KIF26A: variants seen among roughly 807,000 people sequenced by gnomAD.
KIF26A encodes the protein kinesin family member 26A.
KIF26A carries 74 observed loss-of-function variants against 126.0 expected under a neutral mutation model. That is an observed-to-expected ratio of 0.59 (90% CI 0.49 to 0.71). The LOEUF (loss-of-function observed/expected upper bound fraction) is 0.71. KIF26A is among the 30% of genes least tolerant of loss of function. The pLI, the probability that KIF26A is intolerant of heterozygous loss-of-function variation, is 0.00. For missense variants in KIF26A, 2,984 were observed against 2,763.3 expected, an observed-to-expected ratio of 1.08 and a Z score of -1.79; for synonymous variants, 1,445 against 1,232.7, an observed-to-expected ratio of 1.17 and a Z score of -3.61.
chr14:104,173,543 CT>C, intron 9 of KIF26A, 30 bp downstream of exon 9: 1 of 1,521,088 alleles, frequency 6.6e-7, no homozygotes, highest in Non-Finnish European at 8.8e-7. Context: ...TCCCGGGCCC[CT>C]GTGGGATGCG....
At chr14:104,150,320 C>T (rs564602917) in intron 2 of KIF26A, among the ~76,000 whole-genome samples, 1 of 151,578 alleles carries the variant, frequency 6.6e-6, no homozygotes, top group East Asian at 2.0e-4. Flanking sequence ...GGACCAGACG[C>T]GCCAGGCACT....
chr14:104,176,051 C>A lies in KIF26A; in HGVS notation c.3263C>A (p.Ser1088Tyr). The stretch of plus-strand genomic sequence containing the variant: ...AATGATGAGTTTGACGCCTACACCT[C>A]TCAGGCCCCTGAGGGGGGGCCCCTG... ...SINDEFDAYT[S>Y]QAPEGGPLEG... The change falls in exon 12 of 15, where the codon TCT (serine) becomes TAT (tyrosine). Residue 1088 changes from serine to tyrosine, a missense_variant. Physicochemically the swap from Ser to Tyr is moderately radical, Grantham distance 144. Coordinates refer to ENST00000423312, the MANE Select transcript of KIF26A (RefSeq NM_015656.2). The A allele has an allele frequency of 6.3e-7, 1 of 1,596,124 alleles. No individual in the cohort carries two copies. Among genetic ancestry groups the A allele is most frequent in the African/African-American group, 1.3e-5 (1 of 74,828 alleles).
At position 104,152,717 on chromosome 14, in the gene KIF26A, T is replaced by C. The variant is rs1449146413; in HGVS notation, c.735+256T>C. Among the ~76,000 whole-genome samples, 2 of 152,130 alleles carry C rather than the reference T, an allele frequency of 1.3e-5. No individual in the cohort carries two copies. The highest frequency in any genetic ancestry group is 2.9e-5 in the Non-Finnish European group (2 of 67,998). The stretch of plus-strand genomic sequence containing the variant: ...AGCACGTGCCCCTCCCTGTCTGTCT[T>C]TTGAGACTGGGGCTGAGGGCCCACC... On this transcript the variant is annotated intron_variant, in intron 3 of 14. Coordinates refer to ENST00000423312, the MANE Select transcript of KIF26A (RefSeq NM_015656.2). The surrounding 1 kb of genome is among the most constrained non-coding windows in gnomAD (Gnocchi z 5.9).
intron 2 of KIF26A, among the ~76,000 whole-genome samples, chr14:104,141,721 C>A (rs1177213859): frequency 6.6e-6 from 1 of 152,078 alleles, no homozygotes; most frequent in Non-Finnish European, 1.5e-5. Context: ...AGGGTCGGGC[C>A]CAGCCTGCCA....
At chr14:104,158,375 C>T (rs1433955154) in intron 4 of KIF26A, among the ~76,000 whole-genome samples, 1 of 152,228 alleles carries the variant, frequency 6.6e-6, no homozygotes, top group Non-Finnish European at 1.5e-5. Flanking sequence ...AGTGGGGCAG[C>T]TCAGCTGTGG....
chr14:104,170,130 C>T (rs1381848656), intron 5 of KIF26A, among the ~76,000 whole-genome samples: 1 of 152,204 alleles, frequency 6.6e-6, no homozygotes, highest in Non-Finnish European at 1.5e-5. Context: ...CCTCTCCACG[C>T]CACTCCTTCC....
chr14:104,166,838 G>A, intron 4 of KIF26A, 21 bp from the exon 5 acceptor site: 3 of 1,536,948 alleles, frequency 2.0e-6, no homozygotes, highest in South Asian at 2.4e-5. Context: ...CACTGATCCT[G>A]CCTCTGCCTC....
Position 104,177,542 on chromosome 14 carries a change from C to G in KIF26A, c.4754C>G (p.Ser1585Trp), listed in dbSNP as rs563229788. The change falls in exon 12 of 15, where the codon TCG (serine) becomes TGG (tryptophan). Residue 1585 changes from serine to tryptophan, a missense_variant. Transcript: ENST00000423312. ...APGRGGSSWG[S>W]ADSDSGHDSG... is the part of the protein sequence containing the mutation. Reference sequence around the variant, plus strand: ...GGCCGAGGTGGCTCCTCGTGGGGCTCGGCGGACTCAGACAGCGGCCATGAC... The same window carrying G: ...GGCCGAGGTGGCTCCTCGTGGGGCTGGGCGGACTCAGACAGCGGCCATGAC... The G allele has an allele frequency of 4.6e-6, 7 of 1,537,298 alleles. No homozygotes were observed. The highest frequency in any genetic ancestry group is 5.2e-6 in the Non-Finnish European group (6 of 1,147,250).
At chr14:104,156,043 A>C (rs1156913409) in intron 3 of KIF26A, among the ~76,000 whole-genome samples, 7 of 152,014 alleles carry the variant, frequency 4.6e-5, no homozygotes, top group African/African-American at 1.4e-4. Flanking sequence ...GCGACGAGCC[A>C]CCTGTGGGTG....
At chr14:104,150,019 G>A (rs2037712042) in intron 2 of KIF26A, among the ~76,000 whole-genome samples, 1 of 152,158 alleles carries the variant, frequency 6.6e-6, no homozygotes, top group Admixed American at 6.5e-5. Flanking sequence ...CTGTGCAGGG[G>A]CCAGTTCTGG....
Position 104,172,585 on chromosome 14 carries a change from G to T in KIF26A, c.1337G>T (p.Cys446Phe). 1 of 1,612,760 alleles carries T rather than the reference G, an allele frequency of 6.2e-7. No individual in the cohort carries two copies. Among genetic ancestry groups the T allele is most frequent in the Non-Finnish European group, 8.5e-7 (1 of 1,179,568 alleles). The change falls in exon 7 of 15, where the codon TGC becomes TTC. Residue 446 changes from cysteine (C) to phenylalanine (F), a missense_variant. Coordinates refer to ENST00000423312, the MANE Select transcript of KIF26A (RefSeq NM_015656.2). ...FPQDSEQAEV[C>F]SGTVADVLQS... ...CTCTTGCCCCCCTAGGCCGAAGTCTGCTCGGGGACCGTGGCCGACGTGCTC... is the reference window on the plus strand; with the variant it reads ...CTCTTGCCCCCCTAGGCCGAAGTCTTCTCGGGGACCGTGGCCGACGTGCTC...
Position 104,152,019 on chromosome 14 carries a change from C to T in KIF26A, c.293C>T (p.Pro98Leu). The T allele has an allele frequency of 6.2e-7, 1 of 1,612,630 alleles. No individual in the cohort carries two copies. Among genetic ancestry groups the T allele is most frequent in the Non-Finnish European group, 8.5e-7 (1 of 1,179,744 alleles). The change falls in exon 3 of 15, where the codon CCT (proline) becomes CTT (leucine). Residue 98 changes from proline to leucine, a missense_variant. Coordinates refer to ENST00000423312, the MANE Select transcript of KIF26A (RefSeq NM_015656.2). This position sits in a 1 kb window ranked among gnomAD's most constrained non-coding sequence, Gnocchi z 5.9. The part of the protein sequence containing the change: ...VSGPGTTLRD[P>L]CLSALLLDKL... ...TTTGTCCCTTGCTGTCCTCAGGATCCTTGCCTCTCTGCCCTGCTTCTCGAC... is the reference window on the plus strand; with the variant it reads ...TTTGTCCCTTGCTGTCCTCAGGATCTTTGCCTCTCTGCCCTGCTTCTCGAC...
chr14:104,140,835 C>T (rs1020980632), intron 2 of KIF26A, among the ~76,000 whole-genome samples: 4 of 152,180 alleles, frequency 2.6e-5, no homozygotes, highest in South Asian at 2.1e-4. Flanking sequence ...CCCTAGCTGG[C>T]GCTGGCACTC....
In KIF26A at chr14:104,179,860, T is replaced by C. The variant is rs2038082809; in HGVS notation, c.*70T>C. 7.4e-7 allele frequency: 1 copy of C among 1,355,876 alleles called. No homozygotes were observed. The highest frequency in any genetic ancestry group is 9.7e-7 in the Non-Finnish European group (1 of 1,035,032). The allele number at this position is 1,355,876 out of a possible 1,614,324, so 84.0% of individuals were successfully genotyped here. A position where few individuals can be genotyped will look rare whatever the true frequency, so the allele number is the denominator to read the frequency against. On this transcript the variant is annotated 3_prime_UTR_variant, in exon 15 of 15. Transcript: ENST00000423312. ...GACGGGACGTGGGACGGAGCGAGGA[T>C]GTGGTGGGGGCTGCGGGGGGAGGAT...
In KIF26A at chr14:104,177,380, T is replaced by C; in HGVS notation, c.4592T>C (p.Val1531Ala). Residue 1531 changes from valine (V) to alanine (A), a missense_variant, in exon 12 of 15, where the codon GTG becomes GCG. Val to Ala is a moderately conservative substitution (Grantham distance 64). Transcript: ENST00000423312. ...ACGGGCAGGAGCCCTGGCGGCCCTGTGGCCGGTCCCAGAGCAGCCCCACGG... is the reference window on the plus strand; with the variant it reads ...ACGGGCAGGAGCCCTGGCGGCCCTGCGGCCGGTCCCAGAGCAGCCCCACGG... Reference protein sequence around the residue: ...SVTGRSPGGPVAGPRAAPRAG... With the variant: ...SVTGRSPGGPAAGPRAAPRAG... 6.7e-7 allele frequency: 1 copy of C among 1,485,046 alleles called. No individual in the cohort carries two copies. Among genetic ancestry groups the C allele is most frequent in the Non-Finnish European group, 8.9e-7 (1 of 1,121,682 alleles). 92.0% of individuals were successfully genotyped at this position (1,485,046 alleles called of 1,614,324 possible).
Position 104,138,696 on chromosome 14 carries a change from C to T in KIF26A, c.-27C>T. 7.9e-7 allele frequency: 1 copy of T among 1,267,136 alleles called. No individual in the cohort carries two copies. The highest frequency in any genetic ancestry group is 2.5e-5 in the South Asian group (1 of 39,520). 78.5% of individuals were successfully genotyped at this position (1,267,136 alleles called of 1,614,324 possible). On this transcript the variant is annotated 5_prime_UTR_variant, in exon 1 of 15. Coordinates refer to ENST00000423312, the MANE Select transcript of KIF26A (RefSeq NM_015656.2). The stretch of plus-strand genomic sequence containing the variant: ...GGAGAGCCAGCGTGGCCGGGAGCGC[C>T]TGCCGGGCTCTTCCCGCGCCCCGGC...
intron 5 of KIF26A, among the ~76,000 whole-genome samples, chr14:104,167,988 G>A (rs1442918169): frequency 6.6e-6 from 1 of 152,150 alleles, no homozygotes; most frequent in African/African-American, 2.4e-5. Context: ...TGCCCACGTT[G>A]GAGACCCCCT....
rs770115028 is a variant in KIF26A at position 104,174,200 on chromosome 14, C to T, written c.2083C>T (p.Arg695Cys). 1.6e-5 allele frequency: 25 copies of T among 1,589,288 alleles called. No homozygotes were observed. Among genetic ancestry groups the T allele is most frequent in the Admixed American group, 7.0e-5 (4 of 57,186 alleles). The part of the protein sequence containing the change: ...LRESLATAGC[R>C]TTMIAHVSDA... Reference sequence around the variant, plus strand: ...TGAATCCCTGGCCACCGCTGGCTGCCGCACCACCATGATCGCCCACGTGTC... The same window carrying T: ...TGAATCCCTGGCCACCGCTGGCTGCTGCACCACCATGATCGCCCACGTGTC... Residue 695 changes from arginine to cysteine, a missense_variant, in exon 11 of 15, where the codon CGC becomes TGC. By Grantham distance (180) the Arg-to-Cys change is radical. Coordinates refer to ENST00000423312, the MANE Select transcript of KIF26A (RefSeq NM_015656.2).
chr14:104,173,938 G>A lies in KIF26A; in HGVS notation c.2030+70G>A, dbSNP rs983109059. ...GTGACCTGGTAAATCCGTGTCTGGT[G>A]TGCCCGGTGCTGCTGTGGCCCCCAG... On this transcript the variant is annotated intron_variant, in intron 10 of 14. Coordinates refer to ENST00000423312, the MANE Select transcript of KIF26A (RefSeq NM_015656.2). 6 of 1,495,336 alleles carry A rather than the reference G, an allele frequency of 4.0e-6. No individual in the cohort carries two copies. In the African/African-American group the frequency reaches 7.0e-5, roughly 17 times the overall value. 92.6% of individuals were successfully genotyped at this position (1,495,336 alleles called of 1,614,324 possible).
Sources: gnomAD v4.1 joint callset for allele counts (sites outside exome capture counted in the v4.1 genomes callset) on GRCh38, gnomAD v4.1.1 for gene constraint, Gnocchi (gnomAD v3.1) non-coding constraint, MANE v1.5 for transcripts, NCBI Gene and HGNC (gene_info 2026-07-23, HGNC 2026-07-21) for gene names.